The following IVNS1ABP variants were observed in gnomAD, a reference collection of about 807,000 sequenced individuals.
IVNS1ABP encodes the protein influenza virus NS1A binding protein.
In IVNS1ABP, 25 loss-of-function variants were observed where a neutral mutation model predicts 78.9. That is an observed-to-expected ratio of 0.32 (90% CI 0.23 to 0.44). The LOEUF (loss-of-function observed/expected upper bound fraction) is 0.44. Among genes scored for constraint, IVNS1ABP ranks in the 20% least tolerant of loss-of-function variants. IVNS1ABP has a pLI of 1.00. For synonymous variants in IVNS1ABP, 241 were observed against 259.7 expected (o/e 0.93, Z 0.69); for missense variants, 494 against 768.9 (o/e 0.64, Z 4.23).
chr1:185,307,770 ACT>A, intron 5 of IVNS1ABP, 108 bp from the exon 6 acceptor site: 2 of 1,272,436 alleles, frequency 1.6e-6, no homozygotes, highest in Non-Finnish European at 2.2e-6. Context: ...ATCAAAAATC[ACT>A]GTCTTAATAC....
chr1:185,313,674 T>C (rs1479196654), intron 1 of IVNS1ABP, among the ~76,000 whole-genome samples: 1 of 152,168 alleles, frequency 6.6e-6, no homozygotes, highest in Non-Finnish European at 1.5e-5. Flanking sequence ...ATGGGGAAAA[T>C]TGTTTTCTTT....
chr1:185,297,151 TTAA>T lies in IVNS1ABP; in HGVS notation c.*881_*883del, dbSNP rs1269890839. The T allele has an allele frequency of 6.6e-6, 1 of 152,158 alleles. No individual in the cohort carries two copies. The highest frequency in any genetic ancestry group is 2.4e-5 in the African/African-American group (1 of 41,452). The allele number at this position is 152,158 out of a possible 1,614,324, so 9.4% of individuals were successfully genotyped here. ...AGGGCTGCTATTTAGGACTGTTTTG[TTAA>T]TAATAAAAACAGGAATTATATAGAA... On this transcript the variant is annotated 3_prime_UTR_variant, in exon 15 of 15. Transcript: ENST00000367498.
In IVNS1ABP at chr1:185,305,517, C is replaced by G; in HGVS notation, c.765+19G>C. On this transcript the variant is annotated intron_variant, in intron 8 of 14. Coordinates refer to ENST00000367498, the MANE Select transcript of IVNS1ABP (RefSeq NM_006469.5). This position sits in a 1 kb window ranked among gnomAD's most constrained non-coding sequence, Gnocchi z 4.0. ...GTCAAATTTTAACCTGAGGTTACCTCAGACTGTGCAATGTGTACCTGCACA... is the reference window on the plus strand; with the variant it reads ...GTCAAATTTTAACCTGAGGTTACCTGAGACTGTGCAATGTGTACCTGCACA... 2 of 1,612,264 alleles carry G rather than the reference C, an allele frequency of 1.2e-6. No individual in the cohort carries two copies. The highest frequency in any genetic ancestry group is 2.2e-5 in the East Asian group (1 of 44,854).
chr1:185,308,789 T>C lies in IVNS1ABP; in HGVS notation c.357+11A>G, dbSNP rs1268535600. The C allele has an allele frequency of 3.8e-6, 6 of 1,585,838 alleles. No homozygotes were observed. The highest frequency in any genetic ancestry group is 8.6e-7 in the Non-Finnish European group (1 of 1,164,846). On this transcript the variant is annotated intron_variant, in intron 5 of 14. Coordinates refer to ENST00000367498, the MANE Select transcript of IVNS1ABP (RefSeq NM_006469.5). ...CTCCATAAATGATTTTATTTACTTC[T>C]GATACTCTACCTGCTTTACTCGATC...
At position 185,297,128 on chromosome 1, in the gene IVNS1ABP, G is replaced by A. The variant is rs1472604288; in HGVS notation, c.*907C>T. On this transcript the variant is annotated 3_prime_UTR_variant, in exon 15 of 15. Transcript: ENST00000367498. ...TAAAGTAAATTTTTTCACAATTGAG[G>A]GCTGCTATTTAGGACTGTTTTGTTA... 1.3e-5 allele frequency: 2 copies of A among 151,848 alleles called. No homozygotes were observed. Among genetic ancestry groups the A allele is most frequent in the Non-Finnish European group, 2.9e-5 (2 of 67,964 alleles). The allele number at this position is 151,848 out of a possible 1,614,324, so 9.4% of individuals were successfully genotyped here.
At position 185,300,039 on chromosome 1, in the gene IVNS1ABP, A is replaced by G. The variant is rs1246106222; in HGVS notation, c.1461T>C (p.Pro487=). The change falls in exon 13 of 15, where the codon CCT becomes CCC. Residue 487 remains proline, a synonymous_variant. Transcript: ENST00000367498. ...CACAGCTTGTCCACAACTTTGTTAC[A>G]GGATCAAATACATCACAATTTTTCA... ...KGLKNCDVFD[P]VTKLWTSCAP... The G allele has an allele frequency of 1.1e-5, 17 of 1,613,550 alleles. No homozygotes were observed. The highest frequency in any genetic ancestry group is 1.4e-5 in the Non-Finnish European group (17 of 1,179,736).
At chr1:185,306,787 A>T in intron 7 of IVNS1ABP, 2 of 665,348 alleles carry the variant, frequency 3.0e-6, no homozygotes, top group Admixed American at 3.8e-5. Context: ...AAAGAAAGTT[A>T]ACAGCACATA....
Position 185,305,658 on chromosome 1 carries a change from C to A in IVNS1ABP, c.658-15G>T. 1 of 1,612,736 alleles carries A rather than the reference C, an allele frequency of 6.2e-7. No individual in the cohort carries two copies. The highest frequency in any genetic ancestry group is 8.5e-7 in the Non-Finnish European group (1 of 1,179,284). ...AAGGTTTGAACCTGCAAAACAGCAA[C>A]AGAACACCCATGTGGCTACGGTCAC... is the stretch of plus-strand genomic sequence containing the variant. On this transcript the variant is annotated splice_polypyrimidine_tract_variant and intron_variant, in intron 7 of 14. Coordinates refer to ENST00000367498, the MANE Select transcript of IVNS1ABP (RefSeq NM_006469.5). This position sits in a 1 kb window ranked among gnomAD's most constrained non-coding sequence, Gnocchi z 4.0.
At position 185,298,451 on chromosome 1, in the gene IVNS1ABP, C is replaced by T. The variant is rs1170862922; in HGVS notation, c.1676-163G>A. 3.1e-6 allele frequency: 2 copies of T among 651,990 alleles called. No homozygotes were observed. Among genetic ancestry groups the T allele is most frequent in the Admixed American group, 3.3e-5 (1 of 30,412 alleles). The allele number at this position is 651,990 out of a possible 1,614,324, so 40.4% of individuals were successfully genotyped here. On this transcript the variant is annotated intron_variant, in intron 14 of 14. Coordinates refer to ENST00000367498, the MANE Select transcript of IVNS1ABP (RefSeq NM_006469.5). This position sits in a 1 kb window ranked among gnomAD's most constrained non-coding sequence, Gnocchi z 4.1. ...AAATGCCTAATATGACAAATACTCT[C>T]TAAGAGCTGGGAATCAAATCAATAA...
chr1:185,316,616 A>G (rs920398667), intron 1 of IVNS1ABP, among the ~76,000 whole-genome samples: 1 of 152,138 alleles, frequency 6.6e-6, no homozygotes, highest in Admixed American at 6.5e-5. Flanking sequence ...AGGCCCCCCA[A>G]AACCCTTCGA....
chr1:185,304,569 C>T (rs937186305), intron 8 of IVNS1ABP, among the ~76,000 whole-genome samples: 3 of 152,078 alleles, frequency 2.0e-5, no homozygotes, highest in Non-Finnish European at 2.9e-5. Context: ...TGGGCTGAGT[C>T]GACTGCTTTA....
At chr1:185,303,892 T>G (rs774778770) in intron 8 of IVNS1ABP, among the ~76,000 whole-genome samples, 2 of 152,126 alleles carry the variant, frequency 1.3e-5, no homozygotes, top group African/African-American at 2.4e-5. Context: ...TCACCATTAC[T>G]AAAGTGAATG....
rs1321043681 is a variant in IVNS1ABP at position 185,300,505 on chromosome 1, T to C, written c.1174A>G (p.Thr392Ala). The C allele has an allele frequency of 6.2e-7, 1 of 1,613,630 alleles. No homozygotes were observed. The highest frequency in any genetic ancestry group is 1.7e-5 in the Admixed American group (1 of 59,958). The part of the protein sequence containing the change: ...LRTVECYNPH[T>A]DHWSFLAPMR... The stretch of plus-strand genomic sequence containing the variant: ...GGAGCAAGAAAGGACCAGTGATCTG[T>C]ATGTGGATTATAGCATTCGACTGTT... Residue 392 changes from threonine to alanine, a missense_variant, in exon 11 of 15, where the codon ACA becomes GCA. By Grantham distance (58) the Thr-to-Ala change is moderately conservative. Coordinates refer to ENST00000367498, the MANE Select transcript of IVNS1ABP (RefSeq NM_006469.5).
chr1:185,300,672 T>C, intron 10 of IVNS1ABP, 114 bp from the exon 11 acceptor site: 1 of 1,112,288 alleles, frequency 9.0e-7, no homozygotes, highest in South Asian at 1.6e-5. Context: ...TAAAACTTTT[T>C]AAGGATGCCT....
chr1:185,299,851 C>T lies in IVNS1ABP; in HGVS notation c.1534G>A (p.Gly512Ser). The T allele has an allele frequency of 1.2e-6, 2 of 1,613,710 alleles. No homozygotes were observed. Among genetic ancestry groups the T allele is most frequent in the South Asian group, 1.1e-5 (1 of 91,084 alleles). Reference protein sequence around the residue: ...RHQSAVCELGGYLYIIGGAES... With the variant: ...RHQSAVCELGSYLYIIGGAES... Reference sequence around the variant, plus strand: ...GCACCTCCGATTATGTACAAATAACCACCAAGCTCACAGACTGCAGACTGG... The same window carrying T: ...GCACCTCCGATTATGTACAAATAACTACCAAGCTCACAGACTGCAGACTGG... The change falls in exon 14 of 15, where the codon GGT becomes AGT. Residue 512 changes from glycine to serine, a missense_variant. Coordinates refer to ENST00000367498, the MANE Select transcript of IVNS1ABP (RefSeq NM_006469.5).
intron 8 of IVNS1ABP, among the ~76,000 whole-genome samples, chr1:185,304,415 C>A (rs1302979291): frequency 6.6e-6 from 1 of 152,088 alleles, no homozygotes; most frequent in Non-Finnish European, 1.5e-5. Flanking sequence ...TCAACTAATT[C>A]AAATTCCAAA....
intron 1 of IVNS1ABP, among the ~76,000 whole-genome samples, chr1:185,312,026 G>A (rs766750636): frequency 1.3e-5 from 2 of 152,138 alleles, no homozygotes; most frequent in Non-Finnish European, 2.9e-5. Context: ...CAAACCTTCT[G>A]TCTTGTTCAT....
rs771020839 is a variant in IVNS1ABP, at chr1:185,307,609, G to A, written c.411C>T (p.Tyr137=). The A allele has an allele frequency of 1.9e-6, 3 of 1,613,492 alleles. No homozygotes were observed. The highest frequency in any genetic ancestry group is 2.2e-5 in the South Asian group (2 of 91,074). ...CTCCCATACAACTTGCAAAATTTCG[G>A]TAAGAGATGCAGCTGGTAACATCCA... ...SRMDVTSCIS[Y]RNFASCMGDS... Residue 137 remains tyrosine (Y), a synonymous_variant, in exon 6 of 15, where the codon TAC becomes TAT. Coordinates refer to ENST00000367498, the MANE Select transcript of IVNS1ABP (RefSeq NM_006469.5).
intron 1 of IVNS1ABP, among the ~76,000 whole-genome samples, chr1:185,314,087 A>G (rs1325042268): frequency 6.6e-6 from 1 of 152,258 alleles, no homozygotes; most frequent in Non-Finnish European, 1.5e-5. Flanking sequence ...GAGGGCAGTC[A>G]GCTCCCACCA....
Sources: allele counts gnomAD v4.1 joint callset (sites outside exome capture counted in the v4.1 genomes callset), GRCh38; gene constraint gnomAD v4.1.1; non-coding constraint Gnocchi (gnomAD v3.1); transcripts MANE v1.5; gene names NCBI Gene and HGNC (gene_info 2026-07-23, HGNC 2026-07-21).